Variants in OPHN1 observed in about 807,000 individuals in gnomAD.
OPHN1 encodes the protein oligophrenin 1.
OPHN1 carries 11 observed loss-of-function variants against 60.7 expected under a neutral mutation model. That is an observed-to-expected ratio of 0.18 (90% CI 0.11 to 0.30). The LOEUF is 0.30. Among genes scored for constraint, OPHN1 ranks in the 10% least tolerant of loss-of-function variants. The pLI is 1.00. For missense variants in OPHN1, 449 were observed against 611.0 expected (o/e 0.73, Z 2.80); for synonymous variants, 226 against 222.6 (o/e 1.02, Z -0.14).
At chrX:68,363,419 C>G (rs1271225524) in intron 2 of OPHN1, among the ~76,000 whole-genome samples, 1 of 110,948 alleles carries the variant, frequency 9.0e-6, no homozygotes, top group Non-Finnish European at 1.9e-5. Context: ...AAGCAATTCT[C>G]CTGCCTCAGT....
intron 2 of OPHN1, among the ~76,000 whole-genome samples, chrX:68,300,619 G>A (rs924380199): frequency 7.1e-5 from 8 of 112,305 alleles, no homozygotes; most frequent in African/African-American, 1.9e-4. Context: ...CATCAGCAAC[G>A]AGAACACAAA....
chrX:68,172,297 A>G (rs2077395205), intron 15 of OPHN1, among the ~76,000 whole-genome samples: 1 of 112,281 alleles, frequency 8.9e-6, no homozygotes, highest in Admixed American at 9.5e-5. Flanking sequence ...TTCCTGATGC[A>G]TGGGTATATC....
chrX:68,178,426 C>T (rs933303893), intron 15 of OPHN1, among the ~76,000 whole-genome samples: 3 of 111,270 alleles, frequency 2.7e-5, no homozygotes, highest in Non-Finnish European at 5.7e-5. Context: ...TTTTTTGAGA[C>T]GTAATCTCTC....
chrX:68,391,534 G>A (rs770061762), intron 2 of OPHN1, among the ~76,000 whole-genome samples: 9 of 111,028 alleles, frequency 8.1e-5, no homozygotes, highest in Non-Finnish European at 1.7e-4. Context: ...GATAGGGTAT[G>A]CAAGAACATA....
At chrX:68,341,133 T>A (rs1299910151) in intron 2 of OPHN1, among the ~76,000 whole-genome samples, 3 of 107,735 alleles carry the variant, frequency 2.8e-5, no homozygotes, top group Non-Finnish European at 3.8e-5. Flanking sequence ...GTGCAACCCA[T>A]AATTAAATAG....
At chrX:68,124,828 A>C in intron 15 of OPHN1, among the ~76,000 whole-genome samples, 1 of 110,846 alleles carries the variant, frequency 9.0e-6, no homozygotes, top group East Asian at 2.9e-4. Context: ...TTGTACTTTT[A>C]GTAGAGACAG....
intron 2 of OPHN1, among the ~76,000 whole-genome samples, chrX:68,430,047 A>C (rs1471775546): frequency 2.7e-5 from 3 of 109,157 alleles, no homozygotes; most frequent in African/African-American, 9.8e-5. Context: ...AAAAAAACAA[A>C]AAAAAAAAAA....
At chrX:68,058,698 C>T (rs1277021863) in intron 21 of OPHN1, among the ~76,000 whole-genome samples, 1 of 112,078 alleles carries the variant, frequency 8.9e-6, no homozygotes, top group Non-Finnish European at 1.9e-5. Flanking sequence ...ACTACCACTT[C>T]TTAAGCCTCT....
chrX:68,289,126 A>G (rs952511492), intron 3 of OPHN1, among the ~76,000 whole-genome samples: 1 of 111,297 alleles, frequency 9.0e-6, no homozygotes, highest in Admixed American at 9.6e-5. Context: ...ACAGCCCTGC[A>G]TAACCATAAC....
At chrX:68,328,453 A>G (rs1373863338) in intron 2 of OPHN1, among the ~76,000 whole-genome samples, 2 of 113,104 alleles carry the variant, frequency 1.8e-5, no homozygotes, top group South Asian at 3.6e-4. Flanking sequence ...TTAAAAGAAC[A>G]CAAGAAAACA....
intron 11 of OPHN1, among the ~76,000 whole-genome samples, chrX:68,199,503 C>T (rs1295587585): frequency 9.0e-6 from 1 of 111,468 alleles, no homozygotes; most frequent in Non-Finnish European, 1.9e-5. Flanking sequence ...AATAAAAAAT[C>T]TTATCCTCTC....
intron 8 of OPHN1, among the ~76,000 whole-genome samples, chrX:68,211,031 T>C (rs999608333): frequency 1.8e-5 from 2 of 111,353 alleles, no homozygotes; most frequent in African/African-American, 6.5e-5. Context: ...CATTTGTACA[T>C]ATCAAGTAAT....
At chrX:68,209,196 A>G (rs891391815) in intron 9 of OPHN1, among the ~76,000 whole-genome samples, 2 of 111,968 alleles carry the variant, frequency 1.8e-5, no homozygotes, top group African/African-American at 6.5e-5. Context: ...AAATAAAATC[A>G]AATCACACAT....
At chrX:68,105,135 G>C in intron 18 of OPHN1, among the ~76,000 whole-genome samples, 1 of 110,782 alleles carries the variant, frequency 9.0e-6, no homozygotes, top group East Asian at 2.9e-4. Context: ...TAGAATGGCA[G>C]TCATTAAAAA....
intron 21 of OPHN1, among the ~76,000 whole-genome samples, chrX:68,062,652 T>G (rs1277637439): frequency 1.8e-5 from 2 of 112,047 alleles, no homozygotes; most frequent in East Asian, 5.6e-4. Context: ...TGGTCAGTAC[T>G]CAATAAATAT....
At chrX:68,370,979 G>A (rs2078525144) in intron 2 of OPHN1, among the ~76,000 whole-genome samples, 1 of 111,221 alleles carries the variant, frequency 9.0e-6, no homozygotes, top group Non-Finnish European at 1.9e-5. Context: ...AAGATATACA[G>A]AAAACAAAAA....
At position 68,053,738 on chromosome X, in the gene OPHN1, G is replaced by T. The variant is rs777864085; in HGVS notation, c.2231C>A (p.Pro744His). 8.3e-7 allele frequency: 1 copy of T among 1,210,602 alleles called. No individual in the cohort carries two copies. Among genetic ancestry groups the T allele is most frequent in the South Asian group, 1.8e-5 (1 of 56,811 alleles). ...AGCTGCCCGGCAGGGAGGATCTGGG[G>T]GCCTCACTGGGGGGCGGATGATGGT... is the stretch of plus-strand genomic sequence containing the variant. Reference protein sequence around the residue: ...KPTIIRPPVRPPDPPCRAATP... With the variant: ...KPTIIRPPVRHPDPPCRAATP... The change falls in exon 22 of 25, where the codon CCC becomes CAC. Residue 744 changes from proline to histidine, a missense_variant. Pro to His is a moderately conservative substitution (Grantham distance 77). Coordinates refer to ENST00000355520, the MANE Select transcript of OPHN1 (RefSeq NM_002547.3).
intron 2 of OPHN1, among the ~76,000 whole-genome samples, chrX:68,386,134 T>C (rs1192580087): frequency 8.9e-6 from 1 of 112,060 alleles, no homozygotes; most frequent in Non-Finnish European, 1.9e-5. Context: ...CAAAGGTAAA[T>C]CAGTTGGAAT....
chrX:68,336,826 G>A (rs1004968832), intron 2 of OPHN1, among the ~76,000 whole-genome samples: 4 of 110,439 alleles, frequency 3.6e-5, no homozygotes, highest in Non-Finnish European at 5.7e-5. Context: ...GACCGAGGTG[G>A]GAGGATCACT....
Sources: gnomAD v4.1 joint callset for allele counts (sites outside exome capture counted in the v4.1 genomes callset) on GRCh38, gnomAD v4.1.1 for gene constraint, MANE v1.5 for transcripts, NCBI Gene and HGNC (gene_info 2026-07-23, HGNC 2026-07-21) for gene names.